The following DIAPH2 variants were observed in gnomAD, a reference collection of about 807,000 sequenced individuals.
The protein encoded by DIAPH2 is diaphanous related formin 2, also known as protein diaphanous homolog 2.
A neutral mutation model predicts 92.7 loss-of-function variants in DIAPH2; 35 were observed. The ratio of observed to expected loss-of-function variants is 0.38; its 90% CI spans 0.29 to 0.50. The LOEUF (loss-of-function observed/expected upper bound fraction) is 0.50, where lower values mean the gene tolerates loss of function less well. Among genes scored for constraint, DIAPH2 ranks in the 20% least tolerant of loss-of-function variants. The probability of loss-of-function intolerance (pLI) is 0.94; values close to 1 mark genes in which losing one functional copy is unlikely to be tolerated. For missense variants in DIAPH2, 701 were observed against 819.5 expected (o/e 0.86, Z 1.77); for synonymous variants, 301 against 280.4 (o/e 1.07, Z -0.73).
At chrX:97,060,918 C>T (rs2066592917) in intron 17 of DIAPH2, among the ~76,000 whole-genome samples, 1 of 111,600 alleles carries the variant, frequency 9.0e-6, no homozygotes, top group Non-Finnish European at 1.9e-5. Flanking sequence ...TGAATAAATA[C>T]CTCATGGAAA....
At chrX:97,099,575 C>T in intron 19 of DIAPH2, 119 bp from the exon 20 acceptor site, 1 of 411,709 alleles carries the variant, frequency 2.4e-6, no homozygotes, top group Non-Finnish European at 3.9e-6. Flanking sequence ...ACTCTGGTAC[C>T]ATAACAGAAC....
At chrX:96,924,026 T>C (rs750065367) in intron 9 of DIAPH2, among the ~76,000 whole-genome samples, 2 of 112,087 alleles carry the variant, frequency 1.8e-5, no homozygotes, top group Non-Finnish European at 3.8e-5. Flanking sequence ...CCACAGTGGT[T>C]CTTGAGTGTT....
At position 96,962,382 on chromosome X, in the gene DIAPH2, C is replaced by CAT. The variant is rs1362470136; in HGVS notation, c.1936-2703_1936-2702dup. Among the ~76,000 whole-genome samples the CAT allele has an allele frequency of 2.1e-4, 12 of 57,162 alleles. 1 individual carries two copies. Among genetic ancestry groups the CAT allele is most frequent in the Middle Eastern group, 8.8e-3 (1 of 113 alleles). The allele number at this position is 57,162 out of a possible 115,157, so 49.6% of individuals were successfully genotyped here. ...ATATATATACACATATATATATACA[C>CAT]ATATATATACACATATATATACACA... On this transcript the variant is annotated intron_variant, in intron 16 of 26. Coordinates refer to ENST00000324765, the MANE Select transcript of DIAPH2 (RefSeq NM_006729.5).
chrX:96,862,460 C>T (rs767847249), intron 4 of DIAPH2, among the ~76,000 whole-genome samples: 1 of 111,576 alleles, frequency 9.0e-6, no homozygotes, highest in East Asian at 2.8e-4. Flanking sequence ...TTTAAGTTCC[C>T]TGAAGGGAAC....
At chrX:97,103,785 A>G (rs1447387961) in intron 20 of DIAPH2, among the ~76,000 whole-genome samples, 4 of 111,770 alleles carry the variant, frequency 3.6e-5, no homozygotes, top group African/African-American at 1.3e-4. Flanking sequence ...ACTTCTTACC[A>G]TGACCTAGAA....
chrX:96,809,457 C>G (rs1335687870), intron 4 of DIAPH2, among the ~76,000 whole-genome samples: 2 of 109,963 alleles, frequency 1.8e-5, no homozygotes, highest in Non-Finnish European at 3.8e-5. Flanking sequence ...ACATTTACAT[C>G]TTGCATGACT....
At chrX:96,957,576 C>G (rs1480573307) in intron 15 of DIAPH2, among the ~76,000 whole-genome samples, 5 of 111,291 alleles carry the variant, frequency 4.5e-5, no homozygotes, top group Admixed American at 9.5e-5. Context: ...ACTTTCCTAG[C>G]ATTTGTGTGT....
chrX:97,143,934 C>G (rs2067225381), intron 22 of DIAPH2, among the ~76,000 whole-genome samples: 2 of 111,917 alleles, frequency 1.8e-5, no homozygotes, highest in Non-Finnish European at 3.8e-5. Context: ...TATGCAGGAG[C>G]TAAGAAGGTT....
intron 26 of DIAPH2, among the ~76,000 whole-genome samples, chrX:97,437,761 T>TAC (rs58161143): frequency 0.32 from 30,154 of 95,408 alleles, 4,613 homozygotes; most frequent in East Asian, 0.51. Context: ...TACATGATTT[T>TAC]ACACACACAC....
chrX:97,238,130 T>C (rs768459640), intron 22 of DIAPH2, among the ~76,000 whole-genome samples: 14 of 112,442 alleles, frequency 1.2e-4, no homozygotes, highest in South Asian at 1.1e-3. Flanking sequence ...GTCTGTCCAC[T>C]ACTGTTGGTT....
At chrX:96,812,966 G>A (rs2147664268) in intron 4 of DIAPH2, among the ~76,000 whole-genome samples, 1 of 111,853 alleles carries the variant, frequency 8.9e-6, no homozygotes, top group Non-Finnish European at 1.9e-5. Flanking sequence ...TGGAATAAGT[G>A]TGATGTGGTG....
At chrX:97,540,930 A>G (rs1341477834) in intron 26 of DIAPH2, among the ~76,000 whole-genome samples, 1 of 112,035 alleles carries the variant, frequency 8.9e-6, no homozygotes, top group East Asian at 2.8e-4. Flanking sequence ...TTTTAAAGTA[A>G]TTGTTTATAC....
intron 17 of DIAPH2, among the ~76,000 whole-genome samples, chrX:96,984,646 T>C (rs943337394): frequency 6.3e-5 from 7 of 111,281 alleles, no homozygotes; most frequent in African/African-American, 2.3e-4. Flanking sequence ...CAAATATATA[T>C]AAAATGAATT....
chrX:97,165,558 A>G (rs1410936439), intron 22 of DIAPH2, among the ~76,000 whole-genome samples: 2 of 110,895 alleles, frequency 1.8e-5, no homozygotes, highest in African/African-American at 6.6e-5. Context: ...CAGTGGCGCC[A>G]TCTCGGCTCA....
chrX:97,285,714 G>A (rs2068536504), intron 23 of DIAPH2, among the ~76,000 whole-genome samples: 1 of 110,372 alleles, frequency 9.1e-6, no homozygotes, highest in Non-Finnish European at 1.9e-5. Flanking sequence ...CTCCCACCTC[G>A]GCCTCCCGAG....
chrX:97,359,570 CTTTTTT>C (rs1162203236), intron 24 of DIAPH2, among the ~76,000 whole-genome samples: 3 of 66,702 alleles, frequency 4.5e-5, no homozygotes, highest in Non-Finnish European at 8.2e-5. Context: ...CATGGATAAT[CTTTTTT>C]TTTTTTTTTT....
At chrX:97,019,875 A>G (rs947259305) in intron 17 of DIAPH2, among the ~76,000 whole-genome samples, 9 of 112,344 alleles carry the variant, frequency 8.0e-5, no homozygotes, top group Non-Finnish European at 1.1e-4. Context: ...CTGTTAGTGA[A>G]GTTATAAAAA....
chrX:97,446,906 T>G (rs1320510574), intron 26 of DIAPH2, among the ~76,000 whole-genome samples: 2 of 109,295 alleles, frequency 1.8e-5, no homozygotes, highest in African/African-American at 6.6e-5. Flanking sequence ...GAAGTATGGC[T>G]TCTTTTCTGG....
intron 3 of DIAPH2, among the ~76,000 whole-genome samples, chrX:96,745,149 G>A (rs1337310613): frequency 9.1e-6 from 1 of 109,683 alleles, no homozygotes; most frequent in African/African-American, 3.3e-5. Flanking sequence ...TGGGATTACA[G>A]GCACGCGCCA....
Sources: allele counts gnomAD v4.1 joint callset (sites outside exome capture counted in the v4.1 genomes callset), GRCh38; gene constraint gnomAD v4.1.1; transcripts MANE v1.5; gene names NCBI Gene and HGNC (gene_info 2026-07-23, HGNC 2026-07-21).